The following MAPKAP1 variants were observed in gnomAD, a reference collection of about 807,000 sequenced individuals.
The protein encoded by MAPKAP1 is MAPK associated protein 1, also known as target of rapamycin complex 2 subunit MAPKAP1.
A neutral mutation model predicts 65.7 loss-of-function variants in MAPKAP1; 20 were observed. That is an observed-to-expected ratio of 0.30 (90% confidence interval 0.21 to 0.44). MAPKAP1 has a LOEUF of 0.44. Among genes scored for constraint, MAPKAP1 ranks in the 20% least tolerant of loss-of-function variants. The pLI is 1.00. For missense variants in MAPKAP1, 423 were observed against 648.0 expected (o/e 0.65, Z 3.77); for synonymous variants, 222 against 244.3 (o/e 0.91, Z 0.85).
chr9:125,590,418 G>T (rs1010300929), intron 4 of MAPKAP1, among the ~76,000 whole-genome samples: 1 of 152,106 alleles, frequency 6.6e-6, no homozygotes, highest in Non-Finnish European at 1.5e-5. Flanking sequence ...GGGAGGAAAA[G>T]GTGGGTGGAT....
At chr9:125,693,326 A>G (rs1835224463) in intron 1 of MAPKAP1, among the ~76,000 whole-genome samples, 1 of 151,842 alleles carries the variant, frequency 6.6e-6, no homozygotes, top group Non-Finnish European at 1.5e-5. Flanking sequence ...AGGCAGGAGA[A>G]TCGCTTGAAC....
intron 4 of MAPKAP1, among the ~76,000 whole-genome samples, chr9:125,628,453 A>G (rs1833177849): frequency 6.6e-6 from 1 of 152,232 alleles, no homozygotes. Context: ...ACTTAAGACA[A>G]GAAAATGTCT....
At chr9:125,663,152 A>G (rs550602565) in intron 3 of MAPKAP1, among the ~76,000 whole-genome samples, 1 of 152,332 alleles carries the variant, frequency 6.6e-6, no homozygotes, top group Middle Eastern at 3.4e-3. Flanking sequence ...GAGAAAAAAT[A>G]CAATTCCTTA....
chr9:125,456,439 A>AT (rs1853165190), intron 10 of MAPKAP1, among the ~76,000 whole-genome samples: 1 of 152,138 alleles, frequency 6.6e-6, no homozygotes, highest in South Asian at 2.1e-4. Flanking sequence ...GAGTTCACTG[A>AT]TTGTGGCAGA....
At chr9:125,542,288 A>C (rs547812012) in intron 7 of MAPKAP1, among the ~76,000 whole-genome samples, 1 of 152,328 alleles carries the variant, frequency 6.6e-6, no homozygotes, top group African/African-American at 2.4e-5. Flanking sequence ...AAAGAGCACA[A>C]AACTATTTTC....
chr9:125,603,523 T>C (rs1832364690), intron 4 of MAPKAP1, among the ~76,000 whole-genome samples: 1 of 152,142 alleles, frequency 6.6e-6, no homozygotes, highest in Admixed American at 6.5e-5. Context: ...ACAAGACCTG[T>C]TCACTTGCAG....
chr9:125,544,796 C>G (rs1028776084), intron 6 of MAPKAP1, among the ~76,000 whole-genome samples: 2 of 152,144 alleles, frequency 1.3e-5, no homozygotes, highest in African/African-American at 4.8e-5. Context: ...AAAGCCAAGC[C>G]CCAAGCTAAG....
intron 4 of MAPKAP1, among the ~76,000 whole-genome samples, chr9:125,635,133 T>C (rs1833386798): frequency 2.0e-5 from 3 of 152,222 alleles, no homozygotes; most frequent in African/African-American, 7.2e-5. Flanking sequence ...ATGTCAGCCT[T>C]CCTACTGTGA....
intron 1 of MAPKAP1, among the ~76,000 whole-genome samples, chr9:125,677,393 T>G (rs1056180402): frequency 2.6e-5 from 4 of 151,760 alleles, no homozygotes; most frequent in Non-Finnish European, 4.4e-5. Context: ...GGAGCAAGAC[T>G]CCATCTGAAA....
chr9:125,544,489 G>A (rs770535630), intron 6 of MAPKAP1, among the ~76,000 whole-genome samples: 7 of 152,152 alleles, frequency 4.6e-5, no homozygotes, highest in East Asian at 3.9e-4. Context: ...GAAAAAAACC[G>A]CTAAGGAACA....
intron 7 of MAPKAP1, among the ~76,000 whole-genome samples, chr9:125,531,804 G>A (rs1314668651): frequency 6.6e-6 from 1 of 152,110 alleles, no homozygotes; most frequent in South Asian, 2.1e-4. Flanking sequence ...TTTTTAAAAT[G>A]TATTTCAAAT....
At chr9:125,661,265 G>A (rs541657605) in intron 3 of MAPKAP1, among the ~76,000 whole-genome samples, 6 of 152,242 alleles carry the variant, frequency 3.9e-5, no homozygotes, top group African/African-American at 1.2e-4. Context: ...CCTATGAAAC[G>A]GAATTCGGAA....
At chr9:125,692,241 C>T (rs1835192138) in intron 1 of MAPKAP1, among the ~76,000 whole-genome samples, 2 of 152,042 alleles carry the variant, frequency 1.3e-5, no homozygotes, top group East Asian at 3.8e-4. Context: ...TTCATAATAA[C>T]CAAAAGGTAG....
intron 8 of MAPKAP1, among the ~76,000 whole-genome samples, chr9:125,496,509 G>T (rs1190755256): frequency 6.6e-6 from 1 of 152,194 alleles, no homozygotes; most frequent in Non-Finnish European, 1.5e-5. Flanking sequence ...AATAAAGGAG[G>T]TGCTTAAGTC....
intron 9 of MAPKAP1, among the ~76,000 whole-genome samples, chr9:125,483,633 AC>A (rs1041954664): frequency 1.3e-5 from 2 of 152,036 alleles, no homozygotes; most frequent in African/African-American, 4.8e-5. Context: ...CACATGGGAG[AC>A]CCTTTGTTAG....
intron 6 of MAPKAP1, among the ~76,000 whole-genome samples, chr9:125,546,397 G>C (rs763489558): frequency 6.6e-6 from 1 of 152,186 alleles, no homozygotes; most frequent in Non-Finnish European, 1.5e-5. Flanking sequence ...TTTGGGGGGA[G>C]ATGGGCAGGG....
At chr9:125,485,571 A>G (rs1854475067) in intron 8 of MAPKAP1, among the ~76,000 whole-genome samples, 1 of 152,160 alleles carries the variant, frequency 6.6e-6, no homozygotes, top group African/African-American at 2.4e-5. Context: ...AACCCCTCAG[A>G]CTGCACAGTG....
In MAPKAP1 at chr9:125,447,582, T is replaced by G; in HGVS notation, c.1346-2984A>C. 4.6e-6 allele frequency: 2 copies of G among 435,288 alleles called. No individual in the cohort carries two copies. The highest frequency in any genetic ancestry group is 1.4e-4 in the East Asian group (2 of 14,002). The allele number at this position is 435,288 out of a possible 1,614,324, so 27.0% of individuals were successfully genotyped here. On this transcript the variant is annotated intron_variant, in intron 10 of 11. Coordinates refer to ENST00000265960, the MANE Select transcript of MAPKAP1 (RefSeq NM_001006617.3). This position sits in a 1 kb window ranked among gnomAD's most constrained non-coding sequence, Gnocchi z 4.5. Reference sequence around the variant, plus strand: ...CGGGCGTTTCTGCCCCGAGTTCCCCTCGCTAGCAGCCCTGTTTCGCTGGGC... The same window carrying G: ...CGGGCGTTTCTGCCCCGAGTTCCCCGCGCTAGCAGCCCTGTTTCGCTGGGC...
At chr9:125,593,438 G>C (rs1370898797) in intron 4 of MAPKAP1, among the ~76,000 whole-genome samples, 3 of 152,198 alleles carry the variant, frequency 2.0e-5, no homozygotes, top group Non-Finnish European at 4.4e-5. Context: ...GAGACGGATG[G>C]ATTGCCTCAG....
Sources: gnomAD v4.1 joint callset for allele counts (sites outside exome capture counted in the v4.1 genomes callset) on GRCh38, gnomAD v4.1.1 for gene constraint, Gnocchi (gnomAD v3.1) non-coding constraint, MANE v1.5 for transcripts, NCBI Gene and HGNC (gene_info 2026-07-23, HGNC 2026-07-21) for gene names.